The following GLRA2 variants were observed in gnomAD, a reference collection of about 807,000 sequenced individuals.
GLRA2 encodes the protein glycine receptor alpha 2, also known as glycine receptor subunit alpha-2.
GLRA2 carries 11 observed loss-of-function variants against 31.6 expected under a neutral mutation model. That is an observed-to-expected ratio of 0.35 (90% CI 0.22 to 0.58). GLRA2 has a LOEUF of 0.58. GLRA2 is among the 20% of genes least tolerant of loss of function. GLRA2 has a pLI of 0.84. For synonymous variants in GLRA2, 132 were observed against 134.0 expected (o/e 0.99, Z 0.10); for missense variants, 212 against 351.8 (o/e 0.60, Z 3.18).
chrX:14,621,795 G>C (rs2375561), intron 7 of GLRA2, among the ~76,000 whole-genome samples: 12,954 of 111,817 alleles, frequency 0.12, 695 homozygotes, highest in Non-Finnish European at 0.16. Context: ...GCAAGTCTTT[G>C]CTATTGTGAA....
rs1437926818 is a variant in GLRA2, at chrX:14,550,190, G to A, written c.202+17818G>A. On this transcript the variant is annotated intron_variant, in intron 2 of 8. Transcript: ENST00000218075. ...GGAAAAGTAAGTCTGTAGATTTATC[G>A]TTTAAAAGATTGGTGCCAAAGAGAA... 1.6e-4 allele frequency among the ~76,000 whole-genome samples: 17 copies of A among 108,865 alleles called. No homozygotes were observed. The Admixed American group carries it at 1.7e-3, about 11-fold the overall frequency. 94.5% of individuals were successfully genotyped at this position (108,865 alleles called of 115,157 possible).
intron 2 of GLRA2, among the ~76,000 whole-genome samples, chrX:14,546,192 CTA>C (rs1171550261): frequency 1.8e-5 from 2 of 111,669 alleles, no homozygotes; most frequent in African/African-American, 6.5e-5. Context: ...CTTTATCAAA[CTA>C]ATCCTATATT....
At chrX:14,489,171 A>C in the GLRA2 span, among the ~76,000 whole-genome samples, 1 of 112,367 alleles carries the variant, frequency 8.9e-6, no homozygotes, top group Non-Finnish European at 1.9e-5. Flanking sequence ...AAGATAATTT[A>C]AAATGGTTTT....
intron 8 of GLRA2, among the ~76,000 whole-genome samples, chrX:14,696,382 C>T (rs1601848055): frequency 9.0e-6 from 1 of 111,007 alleles, no homozygotes; most frequent in South Asian, 3.8e-4. Flanking sequence ...TAAGATTTCA[C>T]AGGAAGTAAA....
At chrX:14,515,433 T>G in the GLRA2 span, among the ~76,000 whole-genome samples, 3 of 111,882 alleles carry the variant, frequency 2.7e-5, no homozygotes, top group South Asian at 1.1e-3. Context: ...TTTGAAAAAT[T>G]TTAGCCATTG....
At chrX:14,579,568 GA>G (rs1477067406) in intron 3 of GLRA2, among the ~76,000 whole-genome samples, 2 of 111,605 alleles carry the variant, frequency 1.8e-5, no homozygotes, top group South Asian at 7.5e-4. Flanking sequence ...GACCTCAGGT[GA>G]TGCACCCACT....
At chrX:14,729,378 C>A (rs184121995) in intron 8 of GLRA2, among the ~76,000 whole-genome samples, 153 of 111,010 alleles carry the variant, frequency 1.4e-3, no homozygotes, top group Non-Finnish European at 2.5e-3. Context: ...CCGTTTGACC[C>A]CCTCCTTTGA....
chrX:14,562,876 G>T (rs182124803), intron 2 of GLRA2, among the ~76,000 whole-genome samples: 364 of 111,421 alleles, frequency 3.3e-3, no homozygotes, highest in African/African-American at 0.011. Context: ...GAATGTGGGG[G>T]GGACACAATT....
chrX:14,579,934 G>A (rs151306333), intron 3 of GLRA2, among the ~76,000 whole-genome samples: 3,572 of 111,917 alleles, frequency 0.032, 70 homozygotes, highest in Middle Eastern at 0.06. Flanking sequence ...AACAAAAACC[G>A]TATTGAAGCT....
At chrX:14,472,322 G>C in the GLRA2 span, among the ~76,000 whole-genome samples, 5 of 112,241 alleles carry the variant, frequency 4.5e-5, no homozygotes, top group Non-Finnish European at 1.9e-5. Flanking sequence ...GGGGATAGCA[G>C]TATGGAGAAA....
At chrX:14,555,924 A>G (rs1178750146) in intron 2 of GLRA2, among the ~76,000 whole-genome samples, 1 of 111,917 alleles carries the variant, frequency 8.9e-6, no homozygotes, top group Admixed American at 9.4e-5. Flanking sequence ...AGGGAACACT[A>G]CAGTGAATCG....
At chrX:14,724,147 C>T (rs1366137266) in intron 8 of GLRA2, among the ~76,000 whole-genome samples, 6 of 111,274 alleles carry the variant, frequency 5.4e-5, no homozygotes, top group African/African-American at 9.8e-5. Context: ...TATATGCATT[C>T]GTATATGTAT....
intron 7 of GLRA2, among the ~76,000 whole-genome samples, chrX:14,613,443 C>T (rs1360175000): frequency 1.8e-5 from 2 of 110,920 alleles, no homozygotes; most frequent in Non-Finnish European, 3.8e-5. Flanking sequence ...ATTCAACAAA[C>T]CATGGATCAA....
intron 8 of GLRA2, among the ~76,000 whole-genome samples, chrX:14,719,035 C>T (rs923744757): frequency 9.0e-6 from 1 of 111,673 alleles, no homozygotes; most frequent in Non-Finnish European, 1.9e-5. Context: ...TGCCACAGTC[C>T]ACCCTCTTCG....
At chrX:14,675,780 C>T (rs2091139021) in intron 7 of GLRA2, among the ~76,000 whole-genome samples, 1 of 111,661 alleles carries the variant, frequency 9.0e-6, no homozygotes, top group South Asian at 3.8e-4. Context: ...AATTGTACAG[C>T]ACCATGAATC....
intron 8 of GLRA2, among the ~76,000 whole-genome samples, chrX:14,716,388 G>C (rs2091785463): frequency 8.9e-6 from 1 of 111,798 alleles, no homozygotes; most frequent in Non-Finnish European, 1.9e-5. Context: ...TTCTAGCCCA[G>C]TGATTTCCTC....
At chrX:14,514,570 T>C in the GLRA2 span, among the ~76,000 whole-genome samples, 1 of 111,468 alleles carries the variant, frequency 9.0e-6, no homozygotes, top group Admixed American at 9.5e-5. Flanking sequence ...CCTGTTTCTC[T>C]ATTTGGCAAC....
Position 14,571,644 on chromosome X carries a change from A to G in GLRA2, c.203-2689A>G, listed in dbSNP as rs182145445. ...GATAATTATTGAAGAATGAAATAAT[A>G]CATTCACTGGCACACAGCAAGGTTC... On this transcript the variant is annotated intron_variant, in intron 2 of 8. Coordinates refer to ENST00000218075, the MANE Select transcript of GLRA2 (RefSeq NM_002063.4). Among the ~76,000 whole-genome samples the G allele has an allele frequency of 2.7e-5, 3 of 112,039 alleles. No individual in the cohort carries two copies. The Admixed American group carries it at 2.8e-4, about 11-fold the overall frequency.
chrX:14,645,857 C>T (rs1355193033), intron 7 of GLRA2, among the ~76,000 whole-genome samples: 1 of 111,743 alleles, frequency 8.9e-6, no homozygotes, highest in East Asian at 2.8e-4. Context: ...TGTACAATAC[C>T]TCCATTGATC....
Sources: allele counts gnomAD v4.1 joint callset (sites outside exome capture counted in the v4.1 genomes callset), GRCh38; gene constraint gnomAD v4.1.1; transcripts MANE v1.5; gene names NCBI Gene and HGNC (gene_info 2026-07-23, HGNC 2026-07-21).